The following CCSER1 variants were observed in gnomAD, a reference collection of about 807,000 sequenced individuals.
CCSER1 encodes the protein serine-rich coiled-coil domain-containing protein 1.
CCSER1 carries 41 observed loss-of-function variants against 82.0 expected under a neutral mutation model. That is an observed-to-expected ratio of 0.50 (90% CI 0.39 to 0.65). The LOEUF is 0.65. Among genes scored for constraint, CCSER1 ranks in the 30% least tolerant of loss-of-function variants. CCSER1 has a pLI of 0.00. For missense variants in CCSER1, 1,119 were observed against 1,064.2 expected (o/e 1.05, Z -0.72); for synonymous variants, 414 against 383.9 (o/e 1.08, Z -0.92).
intron 9 of CCSER1, among the ~76,000 whole-genome samples, chr4:91,025,598 G>T (rs1740419614): frequency 6.6e-6 from 1 of 152,014 alleles, no homozygotes; most frequent in Non-Finnish European, 1.5e-5. Flanking sequence ...GTCATTTTGT[G>T]GCAAAGCTGA....
chr4:90,910,502 G>T (rs994284669), intron 8 of CCSER1, among the ~76,000 whole-genome samples: 18 of 152,158 alleles, frequency 1.2e-4, no homozygotes, highest in African/African-American at 4.3e-4. Context: ...TTTTTAGTTT[G>T]TACAATCTCT....
intron 6 of CCSER1, among the ~76,000 whole-genome samples, chr4:90,637,752 C>A (rs1560858928): frequency 6.6e-6 from 1 of 152,120 alleles, no homozygotes; most frequent in African/African-American, 2.4e-5. Context: ...ACTAAAAATT[C>A]TTGCTCTTTG....
chr4:90,650,037 A>G (rs1476369623), intron 6 of CCSER1, among the ~76,000 whole-genome samples: 1 of 152,146 alleles, frequency 6.6e-6, no homozygotes, highest in Non-Finnish European at 1.5e-5. Context: ...CAACATAGTG[A>G]AACCCCGTGT....
At chr4:90,280,778 G>A (rs1728712994) in intron 1 of CCSER1, among the ~76,000 whole-genome samples, 1 of 124,822 alleles carries the variant, frequency 8.0e-6, no homozygotes, top group African/African-American at 3.6e-5. Flanking sequence ...GACACTTGAG[G>A]AGGAGAAGGT....
intron 5 of CCSER1, among the ~76,000 whole-genome samples, chr4:90,557,626 G>T (rs1019162599): frequency 6.6e-6 from 1 of 152,030 alleles, no homozygotes; most frequent in Non-Finnish European, 1.5e-5. Context: ...TACTGACTTT[G>T]TAGACATTTT....
intron 5 of CCSER1, among the ~76,000 whole-genome samples, chr4:90,559,797 G>C (rs995414381): frequency 4.3e-5 from 5 of 117,628 alleles, no homozygotes; most frequent in East Asian, 2.9e-4. Flanking sequence ...GAGACAGACC[G>C]AGACTCCGTC....
chr4:91,353,075 CCA>C (rs1201057479), intron 10 of CCSER1, among the ~76,000 whole-genome samples: 1 of 152,116 alleles, frequency 6.6e-6, no homozygotes, highest in Admixed American at 6.5e-5. Flanking sequence ...GAACTGTAAT[CCA>C]GACAGCAGGA....
chr4:90,529,949 A>AT (rs202232768), intron 5 of CCSER1, among the ~76,000 whole-genome samples: 2,580 of 126,858 alleles, frequency 0.02, 74 homozygotes, highest in African/African-American at 0.081. Flanking sequence ...ATATATATAT[A>AT]TATTTTTTTT....
chr4:91,005,817 A>C (rs1738453242), intron 9 of CCSER1, among the ~76,000 whole-genome samples: 1 of 152,180 alleles, frequency 6.6e-6, no homozygotes, highest in Non-Finnish European at 1.5e-5. Flanking sequence ...AGCAACACTT[A>C]TTGAAATGAT....
intron 10 of CCSER1, among the ~76,000 whole-genome samples, chr4:91,358,776 G>A (rs539449015): frequency 6.1e-4 from 93 of 152,196 alleles, no homozygotes; most frequent in Non-Finnish European, 9.6e-4. Flanking sequence ...TGCTATGTGC[G>A]CTGCTCTGGC....
chr4:90,995,782 T>C (rs1199197523), intron 9 of CCSER1, among the ~76,000 whole-genome samples: 2 of 152,068 alleles, frequency 1.3e-5, no homozygotes, highest in Non-Finnish European at 2.9e-5. Flanking sequence ...CACCAAATGG[T>C]AGATTTTTAG....
At chr4:91,252,816 T>A (rs115887437) in intron 10 of CCSER1, among the ~76,000 whole-genome samples, 3,010 of 151,896 alleles carry the variant, frequency 0.02, 98 homozygotes, top group African/African-American at 0.066. Context: ...TTTCTCATTT[T>A]AAAAAAAATG....
At chr4:90,423,261 C>T (rs1171612532) in intron 4 of CCSER1, among the ~76,000 whole-genome samples, 1 of 152,004 alleles carries the variant, frequency 6.6e-6, no homozygotes, top group Admixed American at 6.6e-5. Flanking sequence ...GAGTCTTGCT[C>T]TATTGCCAGG....
chr4:90,930,213 G>A (rs72665432), intron 9 of CCSER1, among the ~76,000 whole-genome samples: 35,334 of 151,930 alleles, frequency 0.23, 4,837 homozygotes, highest in Non-Finnish European at 0.31. Context: ...TACCTTTATA[G>A]GAAATCTAAA....
intron 1 of CCSER1, among the ~76,000 whole-genome samples, chr4:90,305,343 C>G (rs1031694730): frequency 6.6e-6 from 1 of 152,114 alleles, no homozygotes. Context: ...GCATTGAAGT[C>G]TGTAGGTTCA....
At chr4:90,269,766 A>T (rs923403262) in intron 1 of CCSER1, among the ~76,000 whole-genome samples, 1 of 152,028 alleles carries the variant, frequency 6.6e-6, no homozygotes, top group Non-Finnish European at 1.5e-5. Context: ...ATTAAAAAAA[A>T]ACCTGACAAA....
intron 8 of CCSER1, among the ~76,000 whole-genome samples, chr4:90,850,000 C>CATGG (rs1763672090): frequency 6.6e-6 from 1 of 152,082 alleles, no homozygotes; most frequent in Non-Finnish European, 1.5e-5. Context: ...CACAGGGACA[C>CATGG]CCTGCTCTGT....
intron 4 of CCSER1, among the ~76,000 whole-genome samples, chr4:90,457,238 G>A (rs1341085060): frequency 6.6e-6 from 1 of 152,196 alleles, no homozygotes; most frequent in African/African-American, 2.4e-5. Flanking sequence ...CCCAGGAACT[G>A]CAGAACGCCA....
At chr4:91,318,874 C>T (rs555608377) in intron 10 of CCSER1, among the ~76,000 whole-genome samples, 1 of 151,998 alleles carries the variant, frequency 6.6e-6, no homozygotes, top group Admixed American at 6.6e-5. Flanking sequence ...TCTGATTGTG[C>T]ATATTCCCTC....
Sources: gnomAD v4.1 joint callset for allele counts (sites outside exome capture counted in the v4.1 genomes callset) on GRCh38, gnomAD v4.1.1 for gene constraint, MANE v1.5 for transcripts, NCBI Gene and HGNC (gene_info 2026-07-23, HGNC 2026-07-21) for gene names.